The following RNH1 variants were observed in gnomAD, a reference collection of about 807,000 sequenced individuals.
The protein encoded by RNH1 is ribonuclease inhibitor.
RNH1 carries 38 observed loss-of-function variants against 46.1 expected under a neutral mutation model. The observed-to-expected ratio is 0.82, with a 90% confidence interval of 0.64 to 1.08. The LOEUF (loss-of-function observed/expected upper bound fraction) is 1.08, where lower values mean the gene tolerates loss of function less well. Among genes scored for constraint, RNH1 ranks in the 50% least tolerant of loss-of-function variants. RNH1 has a pLI of 0.00. For synonymous variants in RNH1, 319 were observed against 279.1 expected (o/e 1.14, Z -1.43); for missense variants, 577 against 590.7 (o/e 0.98, Z 0.24).
At chr11:498,688 CA>C (rs1849400601) in intron 7 of RNH1, 61 bp from the exon 8 acceptor site, 2 of 1,600,796 alleles carry the variant, frequency 1.2e-6, no homozygotes, top group East Asian at 2.2e-5. Flanking sequence ...GAGATGAGCC[CA>C]GGGGCGGGGG....
chr11:505,269 A>G (rs1554965182), intron 1 of RNH1: 2 of 152,216 alleles, frequency 1.3e-5, no homozygotes, highest in African/African-American at 2.4e-5. Context: ...TTTTTAAAAT[A>G]AGAATGGCCC....
Position 499,135 on chromosome 11 carries a change from A to G in RNH1, c.494T>C (p.Val165Ala), listed in dbSNP as rs1849470377. Residue 165 changes from valine to alanine, a missense_variant, in exon 6 of 11, where the codon GTG becomes GCG. Physicochemically the swap from Val to Ala is moderately conservative, Grantham distance 64 (BLOSUM62 0). Coordinates refer to ENST00000354420, the MANE Select transcript of RNH1 (RefSeq NM_203387.3). ...CTTGAAGTCCGGCTTGGCCCTGAGCACGGAGGCCAGGGGCTCGCAGCTGGC... is the reference window on the plus strand; with the variant it reads ...CTTGAAGTCCGGCTTGGCCCTGAGCGCGGAGGCCAGGGGCTCGCAGCTGGC... The part of the protein sequence containing the change: ...SAASCEPLAS[V>A]LRAKPDFKEL... 6.2e-7 allele frequency: 1 copy of G among 1,613,298 alleles called. No homozygotes were observed. The highest frequency in any genetic ancestry group is 8.5e-7 in the Non-Finnish European group (1 of 1,179,958).
chr11:500,159 G>A, intron 4 of RNH1, 160 bp from the exon 5 acceptor site: 1 of 847,856 alleles, frequency 1.2e-6, no homozygotes, highest in Non-Finnish European at 1.8e-6. Context: ...CAGGCCGAGT[G>A]AAGGAGGGCA....
Position 498,859 on chromosome 11 carries a change from C to T in RNH1, c.689G>A (p.Arg230Gln), listed in dbSNP as rs750223037. 8 of 1,611,732 alleles carry T rather than the reference C, an allele frequency of 5.0e-6. No individual in the cohort carries two copies. Among genetic ancestry groups the T allele is most frequent in the Admixed American group, 1.7e-5 (1 of 59,912 alleles). ...CTTGTTGCTGCCCAGGGCCAGCTCC[C>T]GCAGCGAGGCCTTGGAGGCCACAAT... ...CGIVASKASL[R>Q]ELALGSNKLG... The change falls in exon 7 of 11, where the codon CGG (arginine) becomes CAG (glutamine). Residue 230 changes from arginine to glutamine, a missense_variant. By Grantham distance (43) the Arg-to-Gln change is conservative (BLOSUM62 1). Coordinates refer to ENST00000354420, the MANE Select transcript of RNH1 (RefSeq NM_203387.3).
In RNH1 at chr11:504,860, T is replaced by C. The variant is rs1032858836; in HGVS notation, c.-124A>G. On this transcript the variant is annotated 5_prime_UTR_variant, in exon 2 of 11. Transcript: ENST00000354420. ...CTTTTTGCTACCAGACTGGAGAAGGTGGAACAGGTTGACGATGATTTGTTG... is the reference window on the plus strand; with the variant it reads ...CTTTTTGCTACCAGACTGGAGAAGGCGGAACAGGTTGACGATGATTTGTTG... 1 of 151,976 alleles carries C rather than the reference T, an allele frequency of 6.6e-6. No homozygotes were observed. Among genetic ancestry groups the C allele is most frequent in the Admixed American group, 6.6e-5 (1 of 15,256 alleles). 9.4% of individuals were successfully genotyped at this position (151,976 alleles called of 1,614,324 possible).
rs1565030568 is a variant in RNH1, at chr11:499,925, T to C, written c.347A>G (p.Gln116Arg). The C allele has an allele frequency of 1.2e-6, 2 of 1,612,692 alleles. No homozygotes were observed. The highest frequency in any genetic ancestry group is 4.5e-5 in the East Asian group (2 of 44,876). The stretch of plus-strand genomic sequence containing the variant: ...GAGGTTGTCGCTGAGGTGCAGCTCC[T>C]GCAGGGTGGGCAGGGTGCGTAGTGT... ...SSTLRTLPTL[Q>R]ELHLSDNLLG... The change falls in exon 5 of 11, where the codon CAG becomes CGG. Residue 116 changes from glutamine (Q) to arginine (R), a missense_variant. Transcript: ENST00000354420.
At chr11:506,196 T>C in intron 1 of RNH1, 1 of 152,300 alleles carries the variant, frequency 6.6e-6, no homozygotes, top group Non-Finnish European at 1.5e-5. Flanking sequence ...TGCATTCGGT[T>C]TAGTCAGCCA....
chr11:499,755 G>A (rs1590742294), intron 5 of RNH1, 74 bp downstream of exon 5: 18 of 1,549,268 alleles, frequency 1.2e-5, no homozygotes, highest in South Asian at 6.0e-5. Context: ...CCTGGCAGGC[G>A]ATGTTCTATG....
chr11:505,285 G>T (rs764900638), intron 1 of RNH1: 1 of 152,186 alleles, frequency 6.6e-6, no homozygotes, highest in Non-Finnish European at 1.5e-5. Flanking sequence ...GGCCCTGAAA[G>T]ATGTCCACCT....
intron 9 of RNH1, among the ~76,000 whole-genome samples, chr11:497,314 C>G (rs1849209486): frequency 6.7e-6 from 1 of 150,246 alleles, no homozygotes; most frequent in African/African-American, 2.5e-5. Context: ...TGTGCTCACA[C>G]ACGGACCCTC....
At position 498,030 on chromosome 11, in the gene RNH1, C is replaced by T. The variant is rs772782609; in HGVS notation, c.1068G>A (p.Ala356=). The T allele has an allele frequency of 5.0e-6, 8 of 1,614,008 alleles. No individual in the cohort carries two copies. Among genetic ancestry groups the T allele is most frequent in the African/African-American group, 2.7e-5 (2 of 74,948 alleles). ...GGCCCTGGCACAGCTCCCGCACGCC[C>T]GCATCCTCCAGCCTGTTGTTGCTTA... The part of the protein sequence containing the change: ...LQISNNRLED[A]GVRELCQGLG... The change falls in exon 9 of 11, where the codon GCG becomes GCA. Residue 356 remains alanine (A), a synonymous_variant. Coordinates refer to ENST00000354420, the MANE Select transcript of RNH1 (RefSeq NM_203387.3).
intron 1 of RNH1, chr11:506,256 C>G (rs1189767668): frequency 6.6e-6 from 1 of 152,212 alleles, no homozygotes; most frequent in Non-Finnish European, 1.5e-5. Flanking sequence ...GGCTTTCCAC[C>G]ATCCTAGAAG....
intron 2 of RNH1, among the ~76,000 whole-genome samples, chr11:503,947 G>C (rs1466674011): frequency 1.3e-5 from 2 of 152,150 alleles, no homozygotes; most frequent in African/African-American, 4.8e-5. Flanking sequence ...TCTGTGACTG[G>C]AGAAGTCCCT....
chr11:498,688 C>T lies in RNH1; in HGVS notation c.786-61G>A, dbSNP rs906157827. On this transcript the variant is annotated intron_variant, in intron 7 of 10. Coordinates refer to ENST00000354420, the MANE Select transcript of RNH1 (RefSeq NM_203387.3). ...ACCGTCTCATGGCCTGAGATGAGCC[C>T]AGGGGCGGGGGAGAGCTCTGAGGAC... The T allele has an allele frequency of 1.0e-5, 16 of 1,600,678 alleles. No homozygotes were observed. The African/African-American group carries it at 2.1e-4, about 21-fold the overall frequency.
chr11:500,728 CA>C, intron 3 of RNH1, 74 bp from the exon 4 acceptor site: 1 of 1,516,594 alleles, frequency 6.6e-7, no homozygotes, highest in Non-Finnish European at 9.0e-7. Context: ...ACCCCACGTG[CA>C]GGTTACAACC....
At chr11:506,829 C>G (rs971830944) in intron 1 of RNH1, 5 of 152,318 alleles carry the variant, frequency 3.3e-5, no homozygotes, top group Non-Finnish European at 4.4e-5. Context: ...GCCCCGCGCC[C>G]CGGGCAAGGA....
intron 9 of RNH1, among the ~76,000 whole-genome samples, chr11:495,609 G>C (rs1173573176): frequency 6.6e-6 from 1 of 152,206 alleles, no homozygotes. Context: ...ACCTCTCCAA[G>C]GTGGGGGCCA....
At position 494,705 on chromosome 11, in the gene RNH1, T is replaced by C; in HGVS notation, c.1372A>G (p.Arg458Gly). The C allele has an allele frequency of 3.1e-6, 5 of 1,613,744 alleles. No individual in the cohort carries two copies. Among genetic ancestry groups the C allele is most frequent in the Non-Finnish European group, 4.2e-6 (5 of 1,179,938 alleles). Residue 458 changes from arginine to glycine, a missense_variant, in exon 11 of 11, where the codon AGG becomes GGG. Physicochemically the swap from Arg to Gly is moderately radical, Grantham distance 125 (BLOSUM62 -2). Coordinates refer to ENST00000354420, the MANE Select transcript of RNH1 (RefSeq NM_203387.3). ...CAGGAAGAGCCTCAGGAGATGACCCTCAGGGATGGCTTGTCCTTCTCCAGG... is the reference window on the plus strand; with the variant it reads ...CAGGAAGAGCCTCAGGAGATGACCCCCAGGGATGGCTTGTCCTTCTCCAGG... ...QALEKDKPSL[R>G]VIS
chr11:499,528 T>TG (rs753517696), intron 5 of RNH1: 5 of 697,506 alleles, frequency 7.2e-6, no homozygotes, highest in African/African-American at 1.7e-5. Context: ...AGGCGGTGAG[T>TG]GGAACCTGAC....
Sources: allele counts gnomAD v4.1 joint callset (sites outside exome capture counted in the v4.1 genomes callset), GRCh38; gene constraint gnomAD v4.1.1; transcripts MANE v1.5; gene names NCBI Gene and HGNC (gene_info 2026-07-23, HGNC 2026-07-21).